CACNA1E: variants seen among roughly 807,000 people sequenced by gnomAD.
The protein encoded by CACNA1E is voltage-dependent R-type calcium channel subunit alpha-1E.
Under a neutral mutation model 259.2 loss-of-function variants are expected in CACNA1E, and 40 were observed. That is an observed-to-expected ratio of 0.15 (90% CI 0.12 to 0.20). CACNA1E has a LOEUF of 0.20. CACNA1E is among the 10% of genes least tolerant of loss of function. The pLI, the probability that CACNA1E is intolerant of heterozygous loss-of-function variation, is 1.00. For synonymous variants in CACNA1E, 1,104 were observed against 1,138.5 expected, an observed-to-expected ratio of 0.97 and a Z score of 0.61; for missense variants, 1,874 against 3,040.1, an observed-to-expected ratio of 0.62 and a Z score of 9.02.
chr1:181,638,689 G>A (rs1657460388), intron 6 of CACNA1E, among the ~76,000 whole-genome samples: 1 of 152,202 alleles, frequency 6.6e-6, no homozygotes, highest in South Asian at 2.1e-4. Flanking sequence ...TGTGTCAAGG[G>A]AGAGACCACG....
intron 1 of CACNA1E, among the ~76,000 whole-genome samples, chr1:181,398,624 G>A (rs1394151394): frequency 6.6e-6 from 1 of 152,176 alleles, no homozygotes; most frequent in Non-Finnish European, 1.5e-5. Flanking sequence ...GCTGGAGCAG[G>A]GTGTGCGGAG....
chr1:181,415,329 A>G (rs1244748286), intron 2 of CACNA1E, among the ~76,000 whole-genome samples: 1 of 152,202 alleles, frequency 6.6e-6, no homozygotes, highest in Non-Finnish European at 1.5e-5. Flanking sequence ...GTCAAGATCT[A>G]GTACCAGCCA....
intron 7 of CACNA1E, among the ~76,000 whole-genome samples, chr1:181,695,421 C>T (rs1651598836): frequency 6.6e-6 from 1 of 152,090 alleles, no homozygotes; most frequent in South Asian, 2.1e-4. Context: ...GAACCCAGAA[C>T]AATTCTAAAA....
At chr1:181,321,657 A>G (rs1300854163) in intron 1 of CACNA1E, among the ~76,000 whole-genome samples, 2 of 152,222 alleles carry the variant, frequency 1.3e-5, no homozygotes, top group Non-Finnish European at 2.9e-5. Context: ...AGGCTCATGT[A>G]GATAATTCTA....
intron 6 of CACNA1E, among the ~76,000 whole-genome samples, chr1:181,611,839 A>G (rs1011233640): frequency 2.0e-5 from 3 of 152,226 alleles, no homozygotes; most frequent in Non-Finnish European, 2.9e-5. Context: ...CAGTTCTTAG[A>G]TAAAGACCAC....
intron 2 of CACNA1E, among the ~76,000 whole-genome samples, chr1:181,467,436 C>T (rs1287354998): frequency 6.6e-6 from 1 of 152,124 alleles, no homozygotes; most frequent in Non-Finnish European, 1.5e-5. Flanking sequence ...GGGCTTGTGA[C>T]CAAATTTCTT....
intron 1 of CACNA1E, among the ~76,000 whole-genome samples, chr1:181,406,780 G>A (rs1657496375): frequency 6.6e-6 from 1 of 151,934 alleles, no homozygotes; most frequent in African/African-American, 2.4e-5. Flanking sequence ...GCGTGGAGTT[G>A]GGATTCATAC....
rs115613099 is a variant in CACNA1E at position 181,427,179 on chromosome 1, C to G, written c.434+13599C>G. ...CAACCACACTCATCTCAACGCCTCC[C>G]TATTTCACCCTCTCCCCATCTCAAG... is the stretch of plus-strand genomic sequence containing the variant. On this transcript the variant is annotated intron_variant, in intron 2 of 11. Coordinates refer to the CACNA1E transcript ENST00000524607. Among the ~76,000 whole-genome samples, 683 of 151,812 alleles carry G rather than the reference C, an allele frequency of 4.5e-3. 2 individuals carry two copies. The highest frequency in any genetic ancestry group is 0.014 in the African/African-American group (589 of 41,370).
At chr1:181,575,988 A>G (rs12135959) in intron 3 of CACNA1E, among the ~76,000 whole-genome samples, 67,142 of 151,552 alleles carry the variant, frequency 0.44, 15,907 homozygotes, top group East Asian at 0.67. Flanking sequence ...GTCCTTCCCT[A>G]CTTATTAGAA....
intron 21 of CACNA1E, 66 bp downstream of exon 21, chr1:181,733,816 CAATA>C (rs1655768300): frequency 8.2e-7 from 1 of 1,223,460 alleles, no homozygotes; most frequent in Non-Finnish European, 1.1e-6. Context: ...GGGGCCATGA[CAATA>C]AAGCCACATG....
upstream of CACNA1E, among the ~76,000 whole-genome samples, chr1:181,482,612 C>CT: frequency 6.6e-6 from 1 of 151,830 alleles, no homozygotes; most frequent in African/African-American, 2.4e-5. Context: ...TTGCGCGCCT[C>CT]GCTGCGCCTC....
intron 6 of CACNA1E, among the ~76,000 whole-genome samples, chr1:181,627,000 G>T (rs909804181): frequency 3.9e-5 from 6 of 152,104 alleles, no homozygotes; most frequent in African/African-American, 1.4e-4. Flanking sequence ...AATGAGAGTG[G>T]TTATCTCTAG....
chr1:181,654,695 A>C (rs193027396), intron 7 of CACNA1E, among the ~76,000 whole-genome samples: 1 of 152,326 alleles, frequency 6.6e-6, no homozygotes, highest in African/African-American at 2.4e-5. Flanking sequence ...GAAACATAAG[A>C]TATCTTGGGC....
In CACNA1E at chr1:181,794,850, G is replaced by C. The variant is rs1406940566; in HGVS notation, c.6028-14G>C. ...ATCCATACCTTGTGTTTCTCTGGGG[G>C]CTTGTATTTCCAGGTGGTGACAGAC... On this transcript the variant is annotated splice_polypyrimidine_tract_variant and intron_variant, in intron 45 of 47. Transcript: ENST00000367573. The C allele has an allele frequency of 6.2e-7, 1 of 1,601,028 alleles. No individual in the cohort carries two copies. The highest frequency in any genetic ancestry group is 8.5e-7 in the Non-Finnish European group (1 of 1,172,178).
chr1:181,758,155 G>T lies in CACNA1E; in HGVS notation c.4494+44G>T, dbSNP rs773086678. ...AAGAGCCGACTGAGCCCCAGCGATG[G>T]TTCCCTCCCAGGGCAAGTGGGAAGA... On this transcript the variant is annotated intron_variant, in intron 31 of 47. Transcript: ENST00000367573. This position sits in a 1 kb window ranked among gnomAD's most constrained non-coding sequence, Gnocchi z 4.2. 2.4e-5 allele frequency: 38 copies of T among 1,585,532 alleles called. No individual in the cohort carries two copies. The Middle Eastern group carries it at 6.1e-4, about 25-fold the overall frequency.
intron 7 of CACNA1E, among the ~76,000 whole-genome samples, chr1:181,674,993 T>C (rs780643209): frequency 6.6e-6 from 1 of 151,698 alleles, no homozygotes; most frequent in Non-Finnish European, 1.5e-5. Flanking sequence ...CAAAGGTTAG[T>C]GTTATAATTA....
chr1:181,518,776 G>A (rs1477608583), intron 3 of CACNA1E, among the ~76,000 whole-genome samples: 5 of 152,156 alleles, frequency 3.3e-5, no homozygotes, highest in African/African-American at 1.2e-4. Flanking sequence ...GTAAGACATT[G>A]GTGTTGGGAT....
At chr1:181,350,515 C>T (rs1325364959) in intron 1 of CACNA1E, among the ~76,000 whole-genome samples, 1 of 152,192 alleles carries the variant, frequency 6.6e-6, no homozygotes, top group Non-Finnish European at 1.5e-5. Flanking sequence ...CTCCACGTCT[C>T]CAATGGAACC....
rs541820554 is a variant in CACNA1E, at chr1:181,354,492, G to T, written c.-15+36369G>T. 9.8e-4 allele frequency among the ~76,000 whole-genome samples: 149 copies of T among 152,158 alleles called. 1 individual carries two copies. The highest frequency in any genetic ancestry group is 1.6e-3 in the Non-Finnish European group (112 of 68,014). Reference sequence around the variant, plus strand: ...ATGGGCTTACACAGTTGATCAGTGTGGGGGGCACTGTGGAGTCCACCTTGT... The same window carrying T: ...ATGGGCTTACACAGTTGATCAGTGTTGGGGGCACTGTGGAGTCCACCTTGT... On this transcript the variant is annotated intron_variant, in intron 1 of 11. Transcript: ENST00000524607.
Sources: gnomAD v4.1 joint callset for allele counts (sites outside exome capture counted in the v4.1 genomes callset) on GRCh38, gnomAD v4.1.1 for gene constraint, Gnocchi (gnomAD v3.1) non-coding constraint, MANE v1.5 for transcripts, NCBI Gene and HGNC (gene_info 2026-07-23, HGNC 2026-07-21) for gene names.